Variants in AGMO observed in about 807,000 individuals in gnomAD.
AGMO encodes glyceryl-ether monooxygenase.
A neutral mutation model predicts 60.2 loss-of-function variants in AGMO; 75 were observed. The observed-to-expected ratio is 1.25, with a 90% confidence interval of 1.03 to 1.51. The LOEUF is 1.51. Among genes scored for constraint, AGMO ranks in the 40% most tolerant of loss-of-function variants. The pLI, the probability that AGMO is intolerant of heterozygous loss-of-function variation, is 0.00. For synonymous variants in AGMO, 261 were observed against 177.1 expected, an observed-to-expected ratio of 1.47 and a Z score of -3.76; for missense variants, 763 against 525.5, an observed-to-expected ratio of 1.45 and a Z score of -4.42.
intron 3 of AGMO, among the ~76,000 whole-genome samples, chr7:15,445,843 C>T (rs1202508570): frequency 6.6e-6 from 1 of 152,156 alleles, no homozygotes; most frequent in Non-Finnish European, 1.5e-5. Context: ...ATCATGGCTT[C>T]CATGAACCTC....
At chr7:15,307,983 A>G (rs752251576) in intron 12 of AGMO, among the ~76,000 whole-genome samples, 3 of 151,688 alleles carry the variant, frequency 2.0e-5, no homozygotes, top group African/African-American at 7.3e-5. Flanking sequence ...ACCTAACTCT[A>G]TTCTCTCCCC....
At chr7:15,123,988 G>C in the AGMO span, among the ~76,000 whole-genome samples, 1 of 152,046 alleles carries the variant, frequency 6.6e-6, no homozygotes, top group Non-Finnish European at 1.5e-5. Context: ...CTTATGACGT[G>C]TCTCGCATTA....
intron 2 of AGMO, among the ~76,000 whole-genome samples, chr7:15,545,817 GT>G (rs1194755098): frequency 6.6e-6 from 1 of 151,738 alleles, no homozygotes; most frequent in East Asian, 1.9e-4. Context: ...TAGATGTTTT[GT>G]TTTGTCACTT....
intron 12 of AGMO, among the ~76,000 whole-genome samples, chr7:15,340,807 G>T (rs1440727867): frequency 1.3e-5 from 2 of 152,184 alleles, no homozygotes; most frequent in African/African-American, 4.8e-5. Context: ...GTGCAGAAGG[G>T]AAATGTGGGG....
At chr7:15,274,650 T>C (rs1002507249) in intron 12 of AGMO, among the ~76,000 whole-genome samples, 4 of 152,008 alleles carry the variant, frequency 2.6e-5, no homozygotes, top group African/African-American at 9.7e-5. Flanking sequence ...ACCAGTACTT[T>C]GTACATTTGG....
chr7:15,494,853 A>T (rs1420876371), intron 3 of AGMO, among the ~76,000 whole-genome samples: 2 of 152,236 alleles, frequency 1.3e-5, no homozygotes, highest in African/African-American at 4.8e-5. Context: ...CTCTCTCGCA[A>T]GCCTGTTGCA....
At chr7:15,282,448 C>T (rs1783994667) in intron 12 of AGMO, among the ~76,000 whole-genome samples, 1 of 151,910 alleles carries the variant, frequency 6.6e-6, no homozygotes, top group Non-Finnish European at 1.5e-5. Context: ...AATGTTTTGA[C>T]AACAGACTAG....
chr7:15,139,818 G>T, the AGMO span, among the ~76,000 whole-genome samples: 54 of 42,618 alleles, frequency 1.3e-3, no homozygotes, highest in East Asian at 5.7e-3. Context: ...TATCTCAAAA[G>T]ACAAAAAAAA....
At chr7:15,190,484 T>A in the AGMO span, among the ~76,000 whole-genome samples, 11 of 151,858 alleles carry the variant, frequency 7.2e-5, no homozygotes, top group Non-Finnish European at 1.5e-4. Flanking sequence ...GAAATGGAAG[T>A]AACAGAATAA....
intron 3 of AGMO, among the ~76,000 whole-genome samples, chr7:15,506,750 G>A (rs1040030897): frequency 6.6e-5 from 10 of 151,754 alleles, no homozygotes; most frequent in African/African-American, 2.4e-4. Flanking sequence ...ATAAAAGTGG[G>A]ACAAAATATA....
intron 12 of AGMO, among the ~76,000 whole-genome samples, chr7:15,278,444 G>A (rs1365342455): frequency 6.6e-6 from 1 of 152,056 alleles, no homozygotes; most frequent in Non-Finnish European, 1.5e-5. Context: ...ACTGGACTGG[G>A]ACTGGGCCAG....
chr7:15,311,387 C>G (rs1244798824), intron 12 of AGMO, among the ~76,000 whole-genome samples: 1 of 152,022 alleles, frequency 6.6e-6, no homozygotes, highest in Non-Finnish European at 1.5e-5. Context: ...TAACAGAAAA[C>G]CCTCCCCACA....
At chr7:15,129,351 G>A in the AGMO span, among the ~76,000 whole-genome samples, 1 of 149,594 alleles carries the variant, frequency 6.7e-6, no homozygotes, top group East Asian at 2.0e-4. Flanking sequence ...TTTCTACCAT[G>A]TAGTTTACCA....
At chr7:15,349,014 T>C (rs1322628535) in intron 12 of AGMO, among the ~76,000 whole-genome samples, 1 of 151,918 alleles carries the variant, frequency 6.6e-6, no homozygotes, top group African/African-American at 2.4e-5. Flanking sequence ...TGATTCACAT[T>C]GTGACTTATT....
chr7:15,389,251 T>C (rs1784043492), intron 8 of AGMO, among the ~76,000 whole-genome samples: 2 of 152,092 alleles, frequency 1.3e-5, no homozygotes, highest in Admixed American at 1.3e-4. Context: ...GATTCTCTGA[T>C]TCACATGAAC....
At chr7:15,329,753 G>C (rs192896434) in intron 12 of AGMO, among the ~76,000 whole-genome samples, 1 of 152,192 alleles carries the variant, frequency 6.6e-6, no homozygotes, top group Non-Finnish European at 1.5e-5. Flanking sequence ...TTAGTCAAGA[G>C]TATGGGCTAG....
chr7:15,522,779 G>C (rs1784033046), intron 3 of AGMO, among the ~76,000 whole-genome samples: 1 of 152,148 alleles, frequency 6.6e-6, no homozygotes, highest in Non-Finnish European at 1.5e-5. Context: ...TCTGGACATA[G>C]GCATGGGCAA....
chr7:15,171,451 C>G, the AGMO span, among the ~76,000 whole-genome samples: 6 of 152,186 alleles, frequency 3.9e-5, no homozygotes, highest in Non-Finnish European at 7.4e-5. Context: ...CCTTTCCATA[C>G]TATACTTTTT....
chr7:15,436,158 G>T (rs1276789150), intron 3 of AGMO, among the ~76,000 whole-genome samples: 1 of 152,168 alleles, frequency 6.6e-6, no homozygotes, highest in African/African-American at 2.4e-5. Context: ...AGCACTTTAT[G>T]CAACATTTAG....
Sources: gnomAD v4.1 joint callset for allele counts (sites outside exome capture counted in the v4.1 genomes callset) on GRCh38, gnomAD v4.1.1 for gene constraint, MANE v1.5 for transcripts, NCBI Gene and HGNC (gene_info 2026-07-23, HGNC 2026-07-21) for gene names.